CDKAL1: variants seen among roughly 807,000 people sequenced by gnomAD.
CDKAL1 encodes CDKAL1 threonylcarbamoyladenosine tRNA methylthiotransferase, also known as threonylcarbamoyladenosine tRNA methylthiotransferase.
A neutral mutation model predicts 68.2 loss-of-function variants in CDKAL1; 32 were observed. The ratio of observed to expected loss-of-function variants is 0.47; its 90% CI spans 0.35 to 0.63. CDKAL1 has a LOEUF of 0.63. Among genes scored for constraint, CDKAL1 ranks in the 30% least tolerant of loss-of-function variants. The pLI, the probability that CDKAL1 is intolerant of heterozygous loss-of-function variation, is 0.00. For synonymous variants in CDKAL1, 234 were observed against 244.3 expected (o/e 0.96, Z 0.39); for missense variants, 606 against 696.7 (o/e 0.87, Z 1.47).
chr6:20,927,903 A>G (rs761866663), intron 9 of CDKAL1, among the ~76,000 whole-genome samples: 6 of 152,150 alleles, frequency 3.9e-5, no homozygotes, highest in Non-Finnish European at 7.3e-5. Flanking sequence ...AAAATCTTAG[A>G]TTATTAGACT....
chr6:20,709,977 A>T (rs1771774581), intron 5 of CDKAL1, among the ~76,000 whole-genome samples: 1 of 152,198 alleles, frequency 6.6e-6, no homozygotes, highest in South Asian at 2.1e-4. Flanking sequence ...TGGAGTAATC[A>T]TCGAGAGTGA....
intron 4 of CDKAL1, among the ~76,000 whole-genome samples, chr6:20,580,489 G>A (rs887366144): frequency 6.6e-6 from 1 of 151,998 alleles, no homozygotes; most frequent in Non-Finnish European, 1.5e-5. Context: ...CACTATTATG[G>A]CCACTTCTCA....
At chr6:20,924,559 G>A (rs1056461505) in intron 9 of CDKAL1, among the ~76,000 whole-genome samples, 2 of 152,204 alleles carry the variant, frequency 1.3e-5, no homozygotes, top group Non-Finnish European at 2.9e-5. Flanking sequence ...AAGTTTGAGT[G>A]GTCTAGATAG....
intron 9 of CDKAL1, among the ~76,000 whole-genome samples, chr6:20,863,168 G>GGTAA (rs1403914018): frequency 7.2e-5 from 11 of 152,288 alleles, no homozygotes; most frequent in South Asian, 4.1e-4. Flanking sequence ...TAAGCTCCCA[G>GGTAA]GTAATGCTGA....
chr6:20,602,120 C>A (rs181256999), intron 4 of CDKAL1, among the ~76,000 whole-genome samples: 1 of 152,202 alleles, frequency 6.6e-6, no homozygotes, highest in African/African-American at 2.4e-5. Context: ...AGGTAGATAG[C>A]AGTATTATAA....
chr6:21,083,419 T>C (rs577742040), intron 12 of CDKAL1, among the ~76,000 whole-genome samples: 135 of 152,300 alleles, frequency 8.9e-4, no homozygotes, highest in African/African-American at 3.2e-3. Context: ...AACATTTTGC[T>C]ACATTTGCTT....
At chr6:21,112,827 A>C (rs889598097) in intron 13 of CDKAL1, among the ~76,000 whole-genome samples, 2 of 152,190 alleles carry the variant, frequency 1.3e-5, no homozygotes, top group Non-Finnish European at 2.9e-5. Flanking sequence ...ACCTCTAAAA[A>C]AGCCTATTTG....
At chr6:21,071,981 G>T (rs1015534659) in intron 12 of CDKAL1, among the ~76,000 whole-genome samples, 3 of 152,262 alleles carry the variant, frequency 2.0e-5, no homozygotes, top group Middle Eastern at 3.4e-3. Flanking sequence ...GATTACCAAT[G>T]TTACATCACT....
chr6:20,891,638 G>T (rs1013174614), intron 9 of CDKAL1, among the ~76,000 whole-genome samples: 1 of 150,696 alleles, frequency 6.6e-6, no homozygotes, highest in Non-Finnish European at 1.5e-5. Flanking sequence ...GGGTTCAAGC[G>T]ATTCTCCTGC....
At chr6:21,087,265 T>C (rs1333315039) in intron 12 of CDKAL1, among the ~76,000 whole-genome samples, 1 of 152,238 alleles carries the variant, frequency 6.6e-6, no homozygotes, top group East Asian at 1.9e-4. Context: ...GGGTTGTAAC[T>C]GATTCTTTGA....
intron 13 of CDKAL1, among the ~76,000 whole-genome samples, chr6:21,165,832 A>G (rs1693274888): frequency 6.6e-6 from 1 of 152,182 alleles, no homozygotes; most frequent in Admixed American, 6.5e-5. Flanking sequence ...AGAGAGCTTT[A>G]CGCACCTGTG....
chr6:20,791,296 A>G (rs915679283), intron 8 of CDKAL1, among the ~76,000 whole-genome samples: 2 of 152,204 alleles, frequency 1.3e-5, no homozygotes, highest in Non-Finnish European at 2.9e-5. Context: ...TCTGTTCAAT[A>G]TATAGTATTA....
At chr6:20,948,928 C>G (rs559898219) in intron 9 of CDKAL1, among the ~76,000 whole-genome samples, 4 of 152,252 alleles carry the variant, frequency 2.6e-5, no homozygotes, top group African/African-American at 9.6e-5. Context: ...TTCCAAATTC[C>G]TGCAGAAGTA....
chr6:20,848,938 A>G (rs1758848601), intron 9 of CDKAL1, among the ~76,000 whole-genome samples: 1 of 151,968 alleles, frequency 6.6e-6, no homozygotes, highest in African/African-American at 2.4e-5. Context: ...GACTATAGCC[A>G]TGCGCTACCA....
intron 8 of CDKAL1, among the ~76,000 whole-genome samples, chr6:20,843,659 T>C (rs575271613): frequency 1.1e-4 from 16 of 152,270 alleles, no homozygotes; most frequent in Non-Finnish European, 4.4e-5. Flanking sequence ...ACCCATCACA[T>C]GAGGTCAGGT....
rs113283832 is a variant in CDKAL1 at position 20,861,275 on chromosome 6, G to A, written c.742+15097G>A. ...CCAGAGTGTGAAACCATAAATGTAA[G>A]CGTACGTAAACCTAAGCATGTGAAG... On this transcript the variant is annotated intron_variant, in intron 9 of 15. Coordinates refer to ENST00000274695, the MANE Select transcript of CDKAL1 (RefSeq NM_017774.3). Among the ~76,000 whole-genome samples, 653 of 152,276 alleles carry A rather than the reference G, an allele frequency of 4.3e-3. 3 individuals carry two copies. Among genetic ancestry groups the A allele is most frequent in the African/African-American group, 0.015 (628 of 41,562 alleles).
intron 9 of CDKAL1, among the ~76,000 whole-genome samples, chr6:20,952,534 G>A (rs1202845481): frequency 2.0e-5 from 3 of 152,198 alleles, no homozygotes; most frequent in Non-Finnish European, 2.9e-5. Flanking sequence ...CATATCTATC[G>A]TGAGCTGGAA....
intron 13 of CDKAL1, among the ~76,000 whole-genome samples, 175 bp from the exon 14 acceptor site, chr6:21,197,846 G>A (rs919832881): frequency 1.2e-4 from 19 of 152,174 alleles, no homozygotes; most frequent in Admixed American, 1.3e-4. Flanking sequence ...CAAAAAATTT[G>A]AATCCGTGAT....
intron 5 of CDKAL1, among the ~76,000 whole-genome samples, chr6:20,715,194 C>T (rs913321175): frequency 1.3e-5 from 2 of 152,118 alleles, no homozygotes; most frequent in Admixed American, 6.6e-5. Context: ...ATCCTTTGAC[C>T]TACATCTCCC....
Sources: gnomAD v4.1 joint callset for allele counts (sites outside exome capture counted in the v4.1 genomes callset) on GRCh38, gnomAD v4.1.1 for gene constraint, MANE v1.5 for transcripts, NCBI Gene and HGNC (gene_info 2026-07-23, HGNC 2026-07-21) for gene names.